ST3GAL3: variants seen among roughly 807,000 people sequenced by gnomAD.
ST3GAL3 encodes ST3 beta-galactoside alpha-2,3-sialyltransferase 3.
A neutral mutation model predicts 50.1 loss-of-function variants in ST3GAL3; 21 were observed. The observed-to-expected ratio is 0.42, with a 90% CI of 0.30 to 0.60. The LOEUF is 0.60. ST3GAL3 is among the 20% of genes least tolerant of loss of function. The pLI, the probability that ST3GAL3 is intolerant of heterozygous loss-of-function variation, is 0.19. For missense variants in ST3GAL3, 353 were observed against 489.4 expected, an observed-to-expected ratio of 0.72 and a Z score of 2.63; for synonymous variants, 183 against 190.0, an observed-to-expected ratio of 0.96 and a Z score of 0.30.
At chr1:43,841,043 G>A (rs1367931568) in intron 5 of ST3GAL3, 1 of 152,280 alleles carries the variant, frequency 6.6e-6, no homozygotes, top group Non-Finnish European at 1.5e-5. Context: ...TTGACTCTGT[G>A]CCCCACATTC....
At chr1:43,745,272 A>G (rs1407338362) in intron 2 of ST3GAL3, among the ~76,000 whole-genome samples, 1 of 152,250 alleles carries the variant, frequency 6.6e-6, no homozygotes, top group African/African-American at 2.4e-5. Context: ...AGATATGTCA[A>G]CACTTGCATA....
chr1:43,915,408 C>T (rs775089587), intron 9 of ST3GAL3, among the ~76,000 whole-genome samples: 7 of 152,188 alleles, frequency 4.6e-5, no homozygotes, highest in African/African-American at 7.2e-5. Context: ...GCTAAATACG[C>T]GTGATGTCCC....
At chr1:43,729,395 T>A (rs74557881) in intron 1 of ST3GAL3, among the ~76,000 whole-genome samples, 6 of 148,498 alleles carry the variant, frequency 4.0e-5, no homozygotes, top group Non-Finnish European at 8.8e-5. Flanking sequence ...TTAAAAACCA[T>A]TTTTTTCCCA....
At chr1:43,898,099 C>T (rs2077654192) in intron 6 of ST3GAL3, 136 bp from the exon 7 acceptor site, 1 of 914,408 alleles carries the variant, frequency 1.1e-6, no homozygotes, top group Non-Finnish European at 1.7e-6. Flanking sequence ...CCAATACATC[C>T]TTGTGTCCAG....
chr1:43,806,658 C>T (rs559777072), intron 3 of ST3GAL3, among the ~76,000 whole-genome samples: 1 of 152,218 alleles, frequency 6.6e-6, no homozygotes, highest in African/African-American at 2.4e-5. Flanking sequence ...TAGGAAATAA[C>T]CAATGTGAAA....
At chr1:43,920,316 C>T (rs754839820) in intron 9 of ST3GAL3, 88 bp from the exon 10 acceptor site, 4 of 1,561,612 alleles carry the variant, frequency 2.6e-6, no homozygotes, top group South Asian at 1.1e-5. Context: ...GCTCCCGCCT[C>T]ACTGTCCCTA....
intron 5 of ST3GAL3, among the ~76,000 whole-genome samples, chr1:43,889,129 G>C (rs1348584261): frequency 6.7e-6 from 1 of 149,456 alleles, no homozygotes; most frequent in Non-Finnish European, 1.5e-5. Flanking sequence ...ATATTGTTTA[G>C]TAAAAAAAGA....
At chr1:43,851,003 C>A in intron 5 of ST3GAL3, 2 of 862,340 alleles carry the variant, frequency 2.3e-6, no homozygotes, top group South Asian at 1.3e-5. Flanking sequence ...TGGCAGTGTT[C>A]AAATGGGGAG....
intron 1 of ST3GAL3, among the ~76,000 whole-genome samples, chr1:43,727,813 C>G (rs1026275774): frequency 3.9e-5 from 6 of 152,102 alleles, no homozygotes; most frequent in African/African-American, 1.4e-4. Context: ...AGACCCATGA[C>G]TCCTCTTGAA....
intron 9 of ST3GAL3, chr1:43,916,838 G>A (rs1273618847): frequency 6.6e-6 from 1 of 152,130 alleles, no homozygotes; most frequent in African/African-American, 2.4e-5. Context: ...GCCTGCCAAA[G>A]TGCTAGGATT....
In ST3GAL3 at chr1:43,930,543, T is replaced by C. The variant is rs1859726; in HGVS notation, c.*322T>C. On this transcript the variant is annotated 3_prime_UTR_variant, in exon 12 of 12. Transcript: ENST00000347631. ...TCTCCAATCAGTGTTTGGTGTATTATCATTTTGTGAATTTGGGTAGGGGGG... is the reference window on the plus strand; with the variant it reads ...TCTCCAATCAGTGTTTGGTGTATTACCATTTTGTGAATTTGGGTAGGGGGG... 52,039 of 457,866 alleles carry C rather than the reference T, an allele frequency of 0.11. 3,710 individuals carry two copies. Among genetic ancestry groups the C allele is most frequent in the South Asian group, 0.22 (9,732 of 44,904 alleles). The allele number at this position is 457,866 out of a possible 1,614,324, so 28.4% of individuals were successfully genotyped here. A position where few individuals can be genotyped will look rare whatever the true frequency, so the allele number is the denominator to read the frequency against.
intron 5 of ST3GAL3, among the ~76,000 whole-genome samples, chr1:43,857,570 T>TC (rs1488182294): frequency 0.3 from 29,699 of 99,286 alleles, 8,868 homozygotes; most frequent in Non-Finnish European, 0.43. Flanking sequence ...CTTCCTTCTT[T>TC]CTTTCCTTCC....
chr1:43,734,857 T>C (rs969573825), intron 1 of ST3GAL3, among the ~76,000 whole-genome samples: 1 of 152,164 alleles, frequency 6.6e-6, no homozygotes, highest in South Asian at 2.1e-4. Context: ...CTGAGATATC[T>C]GATTGGGTTT....
intron 1 of ST3GAL3, among the ~76,000 whole-genome samples, chr1:43,724,807 A>T (rs1400398328): frequency 1.3e-5 from 2 of 152,192 alleles, no homozygotes; most frequent in African/African-American, 4.8e-5. Context: ...ACCACCTCTC[A>T]CAGTTTTAGG....
chr1:43,719,991 C>T (rs1669600961), intron 1 of ST3GAL3, among the ~76,000 whole-genome samples: 1 of 148,912 alleles, frequency 6.7e-6, no homozygotes, highest in Non-Finnish European at 1.5e-5. Flanking sequence ...CACCTATAAT[C>T]CCACCAGTTT....
intron 5 of ST3GAL3, among the ~76,000 whole-genome samples, chr1:43,848,139 A>G (rs756122826): frequency 2.4e-4 from 37 of 151,928 alleles, no homozygotes; most frequent in Non-Finnish European, 1.0e-4. Flanking sequence ...ATGTAACTCT[A>G]TTTACTTGCT....
intron 3 of ST3GAL3, among the ~76,000 whole-genome samples, chr1:43,808,166 T>C (rs2060120934): frequency 1.3e-5 from 2 of 151,822 alleles, no homozygotes; most frequent in African/African-American, 4.8e-5. Context: ...TAGCCAGGCA[T>C]AGTGGCGGGC....
At chr1:43,917,499 A>ATATATAATATAATATAATATATAT (rs2082084101) in intron 9 of ST3GAL3, among the ~76,000 whole-genome samples, 1 of 71,992 alleles carries the variant, frequency 1.4e-5, no homozygotes, top group Non-Finnish European at 2.6e-5. Context: ...AATATATATA[A>ATATATAATATAATATAATATATAT]TATATTATAT....
intron 1 of ST3GAL3, chr1:43,720,524 T>G (rs573092924): frequency 6.6e-6 from 1 of 152,318 alleles, no homozygotes; most frequent in African/African-American, 2.4e-5. Context: ...GGTGAGGGCC[T>G]CCTTGCTGTA....
Sources: gnomAD v4.1 joint callset for allele counts (sites outside exome capture counted in the v4.1 genomes callset) on GRCh38, gnomAD v4.1.1 for gene constraint, MANE v1.5 for transcripts, NCBI Gene and HGNC (gene_info 2026-07-23, HGNC 2026-07-21) for gene names.